The following BABAM2 variants were observed in gnomAD, a reference collection of about 807,000 sequenced individuals.
BABAM2 encodes the protein BRISC and BRCA1-A complex member 2.
In BABAM2, 31 loss-of-function variants were observed where a neutral mutation model predicts 54.7. The observed-to-expected ratio is 0.57, with a 90% CI of 0.43 to 0.77. The LOEUF (loss-of-function observed/expected upper bound fraction) is 0.77, where lower values mean the gene tolerates loss of function less well. Among genes scored for constraint, BABAM2 ranks in the 30% least tolerant of loss-of-function variants. BABAM2 has a pLI of 0.00. For missense variants in BABAM2, 364 were observed against 455.8 expected, an observed-to-expected ratio of 0.80 and a Z score of 1.83; for synonymous variants, 167 against 162.9, an observed-to-expected ratio of 1.03 and a Z score of -0.19.
In BABAM2 at chr2:28,025,414, C is replaced by A. The variant is rs1211786100; in HGVS notation, c.489C>A (p.Asn163Lys). The change falls in exon 5 of 12, where the codon AAC becomes AAA. Residue 163 changes from asparagine (N) to lysine (K), a missense_variant. Coordinates refer to ENST00000379624, the MANE Select transcript of BABAM2 (RefSeq NM_199191.3). Reference sequence around the variant, plus strand: ...TGGAAATTTATGCTGGGAAAAAAAACAACTGGGTAAGGATTTTTGAGAATG... The same window carrying A: ...TGGAAATTTATGCTGGGAAAAAAAAAAACTGGGTAAGGATTTTTGAGAATG... ...ENMEIYAGKK[N>K]NWTGEFSARF... is the part of the protein sequence containing the mutation. The A allele has an allele frequency of 3.2e-6, 5 of 1,567,322 alleles. No individual in the cohort carries two copies. In the African/African-American group the frequency reaches 5.5e-5, roughly 17 times the overall value.
At chr2:28,321,137 C>T (rs1032419174) in intron 11 of BABAM2, among the ~76,000 whole-genome samples, 1 of 151,864 alleles carries the variant, frequency 6.6e-6, no homozygotes, top group Non-Finnish European at 1.5e-5. Flanking sequence ...TGTGTGTGTC[C>T]GTAGCTGTAT....
At chr2:28,275,265 C>G (rs751371646) in intron 10 of BABAM2, among the ~76,000 whole-genome samples, 1 of 152,172 alleles carries the variant, frequency 6.6e-6, no homozygotes. Flanking sequence ...ACTTTCTAGG[C>G]CTGTTGGTAT....
At chr2:27,971,056 T>C (rs1249042446) in intron 3 of BABAM2, among the ~76,000 whole-genome samples, 2 of 152,172 alleles carry the variant, frequency 1.3e-5, no homozygotes, top group Non-Finnish European at 2.9e-5. Context: ...GCTTGACCAC[T>C]TGTTTAAATT....
At chr2:28,077,222 AAC>A (rs1323389739) in intron 6 of BABAM2, among the ~76,000 whole-genome samples, 9 of 152,216 alleles carry the variant, frequency 5.9e-5, no homozygotes, top group African/African-American at 2.2e-4. Context: ...CAATAAGCAC[AAC>A]CTGCTATATT....
At chr2:27,931,446 C>CT (rs764797034) in intron 3 of BABAM2, among the ~76,000 whole-genome samples, 8 of 152,100 alleles carry the variant, frequency 5.3e-5, no homozygotes, top group Non-Finnish European at 8.8e-5. Context: ...CGTTTCTTGC[C>CT]TTATCAGTTT....
intron 2 of BABAM2, among the ~76,000 whole-genome samples, chr2:27,895,795 G>A (rs7607546): frequency 0.74 from 112,295 of 152,010 alleles, 42,542 homozygotes; most frequent in Middle Eastern, 0.88. Flanking sequence ...ATTCCTCCCC[G>A]TTTATTAATT....
chr2:28,163,595 A>G (rs1198922955), intron 7 of BABAM2, among the ~76,000 whole-genome samples: 1 of 152,182 alleles, frequency 6.6e-6, no homozygotes, highest in Admixed American at 6.5e-5. Context: ...AAAAACTGAG[A>G]GCCATGGGCC....
intron 3 of BABAM2, among the ~76,000 whole-genome samples, chr2:27,981,954 A>G (rs1672033502): frequency 6.6e-6 from 1 of 152,130 alleles, no homozygotes; most frequent in Non-Finnish European, 1.5e-5. Flanking sequence ...AAGTGACTGC[A>G]CCATTTTGCA....
chr2:28,284,193 G>A (rs535785497), intron 10 of BABAM2, among the ~76,000 whole-genome samples: 20 of 152,230 alleles, frequency 1.3e-4, no homozygotes, highest in Admixed American at 2.6e-4. Context: ...TATCTCAAAT[G>A]AAATTTCTAA....
chr2:28,237,887 CTG>C (rs1453520533), intron 8 of BABAM2, among the ~76,000 whole-genome samples: 1 of 152,078 alleles, frequency 6.6e-6, no homozygotes, highest in Non-Finnish European at 1.5e-5. Flanking sequence ...GAGTCTCACT[CTG>C]TCGCCTGGGC....
At chr2:28,107,361 C>T (rs892635476) in intron 6 of BABAM2, among the ~76,000 whole-genome samples, 25 of 152,318 alleles carry the variant, frequency 1.6e-4, no homozygotes, top group African/African-American at 5.5e-4. Context: ...TCCCTTTCCA[C>T]ATTGCCCTTA....
chr2:27,982,499 C>T (rs556063199), intron 3 of BABAM2, among the ~76,000 whole-genome samples: 4 of 150,644 alleles, frequency 2.7e-5, no homozygotes, highest in Admixed American at 1.3e-4. Context: ...GTCTTTGATT[C>T]ATTTTGAGTT....
intron 3 of BABAM2, among the ~76,000 whole-genome samples, chr2:27,981,802 A>T (rs1672021309): frequency 6.6e-6 from 1 of 152,154 alleles, no homozygotes; most frequent in South Asian, 2.1e-4. Context: ...GATTGTGCAT[A>T]ATGCTGGTAC....
intron 6 of BABAM2, among the ~76,000 whole-genome samples, chr2:28,086,766 C>T (rs866895585): frequency 3.3e-5 from 5 of 152,292 alleles, no homozygotes; most frequent in South Asian, 2.1e-4. Flanking sequence ...CACATAAGCA[C>T]GACAGTGCTC....
intron 11 of BABAM2, chr2:28,310,090 G>C (rs1237440040): frequency 6.2e-7 from 1 of 1,614,192 alleles, no homozygotes; most frequent in East Asian, 2.2e-5. Context: ...AGAAGAGAGA[G>C]CAACAGAGAT....
At chr2:28,161,107 T>C (rs570685844) in intron 7 of BABAM2, among the ~76,000 whole-genome samples, 5 of 152,170 alleles carry the variant, frequency 3.3e-5, no homozygotes, top group Non-Finnish European at 5.9e-5. Flanking sequence ...AACTGGGAAA[T>C]TGCATAAACC....
At chr2:27,996,618 T>G (rs866946114) in intron 4 of BABAM2, among the ~76,000 whole-genome samples, 3 of 152,210 alleles carry the variant, frequency 2.0e-5, no homozygotes, top group African/African-American at 7.2e-5. Context: ...TTCATCAAAG[T>G]CTTGAGAGGA....
chr2:28,229,084 A>G (rs1478446785), intron 7 of BABAM2, among the ~76,000 whole-genome samples: 1 of 152,216 alleles, frequency 6.6e-6, no homozygotes, highest in African/African-American at 2.4e-5. Context: ...AATAAGTTTA[A>G]TAAATATTCC....
chr2:28,248,207 CTTTTTTTTTTT>C (rs780563394), intron 10 of BABAM2, among the ~76,000 whole-genome samples: 4 of 54,306 alleles, frequency 7.4e-5, no homozygotes, highest in African/African-American at 2.7e-4. Flanking sequence ...TTTTCTTTTT[CTTTTTTTTTTT>C]TTTTTTTTGA....
Sources: gnomAD v4.1 joint callset for allele counts (sites outside exome capture counted in the v4.1 genomes callset) on GRCh38, gnomAD v4.1.1 for gene constraint, MANE v1.5 for transcripts, NCBI Gene and HGNC (gene_info 2026-07-23, HGNC 2026-07-21) for gene names.